MOB1A: variants seen among roughly 807,000 people sequenced by gnomAD.
MOB1A encodes MOB1 Mps One Binder homolog A.
MOB1A carries 10 observed loss-of-function variants against 25.1 expected under a neutral mutation model. The observed-to-expected ratio is 0.40, with a 90% confidence interval of 0.25 to 0.68. The LOEUF (loss-of-function observed/expected upper bound fraction) is 0.68, where lower values mean the gene tolerates loss of function less well. Among genes scored for constraint, MOB1A ranks in the 30% least tolerant of loss-of-function variants. The pLI, the probability that MOB1A is intolerant of heterozygous loss-of-function variation, is 0.40. For missense variants in MOB1A, 177 were observed against 256.3 expected (o/e 0.69, Z 2.11); for synonymous variants, 81 against 79.5 (o/e 1.02, Z -0.10).
At position 74,154,361 on chromosome 2, in the gene MOB1A, T is replaced by C. The variant is rs570925038; in HGVS notation, c.*2207A>G. ...TAAACACTAATATTTCAGTGCACTG[T>C]TGGTTAAGCCAGATTGGCTTGGGAA... On this transcript the variant is annotated 3_prime_UTR_variant, in exon 6 of 6. Transcript: ENST00000396049. 1.2e-4 allele frequency: 18 copies of C among 152,304 alleles called. No homozygotes were observed. Among genetic ancestry groups the C allele is most frequent in the African/African-American group, 4.1e-4 (17 of 41,566 alleles). The allele number at this position is 152,304 out of a possible 1,614,324, so 9.4% of individuals were successfully genotyped here.
In MOB1A at chr2:74,156,653, G is replaced by T; in HGVS notation, c.574-8C>A. Reference sequence around the variant, plus strand: ...ATCAATCAGATTAAACTCCTAAAAAGAGAAGAAAAATAACAATTAAAAATG... The same window carrying T: ...ATCAATCAGATTAAACTCCTAAAAATAGAAGAAAAATAACAATTAAAAATG... On this transcript the variant is annotated splice_region_variant and splice_polypyrimidine_tract_variant and intron_variant, in intron 5 of 5. Transcript: ENST00000396049. The T allele has an allele frequency of 1.3e-6, 2 of 1,540,332 alleles. No homozygotes were observed. Among genetic ancestry groups the T allele is most frequent in the South Asian group, 1.2e-5 (1 of 82,830 alleles).
At chr2:74,163,646 T>C (rs1693042511) in intron 4 of MOB1A, among the ~76,000 whole-genome samples, 1 of 151,638 alleles carries the variant, frequency 6.6e-6, no homozygotes, top group Non-Finnish European at 1.5e-5. Context: ...TCAAAAAAAA[T>C]TAAAAATAAA....
chr2:74,163,490 TAGCC>T (rs1276234387), intron 4 of MOB1A, among the ~76,000 whole-genome samples: 1 of 151,776 alleles, frequency 6.6e-6, no homozygotes. Context: ...TAAACAAAAT[TAGCC>T]AGGTGTAGTG....
intron 1 of MOB1A, among the ~76,000 whole-genome samples, chr2:74,174,040 A>G (rs1287347748): frequency 6.7e-6 from 1 of 149,274 alleles, no homozygotes; most frequent in African/African-American, 2.5e-5. Flanking sequence ...AGGCCGAGGC[A>G]GTGGATCACG....
At chr2:74,178,536 A>G in intron 1 of MOB1A, 125 bp downstream of exon 1, 1 of 644,858 alleles carries the variant, frequency 1.6e-6, no homozygotes, top group Non-Finnish European at 2.3e-6. Flanking sequence ...GAACAGAGGC[A>G]AAACAAACGC....
At chr2:74,177,250 T>C (rs747744832) in intron 1 of MOB1A, among the ~76,000 whole-genome samples, 72 of 151,368 alleles carry the variant, frequency 4.8e-4, no homozygotes, top group Admixed American at 9.2e-4. Flanking sequence ...GAGGCAGAGG[T>C]TGCAGTGAGC....
intron 4 of MOB1A, among the ~76,000 whole-genome samples, chr2:74,163,378 G>C (rs149396468): frequency 1.3e-5 from 2 of 152,152 alleles, no homozygotes; most frequent in African/African-American, 4.8e-5. Context: ...GCTGACACCT[G>C]TAATTCCAAC....
chr2:74,173,661 T>G (rs917414144), intron 1 of MOB1A, among the ~76,000 whole-genome samples: 26 of 151,316 alleles, frequency 1.7e-4, no homozygotes, highest in Non-Finnish European at 1.3e-4. Context: ...TAGAAAATGA[T>G]GGGGCCATGC....
rs192267316 is a variant in MOB1A, at chr2:74,175,140, G to T, written c.15-2388C>A. 3.9e-5 allele frequency among the ~76,000 whole-genome samples: 6 copies of T among 152,254 alleles called. No individual in the cohort carries two copies. In the South Asian group the frequency reaches 8.3e-4, roughly 21 times the overall value. On this transcript the variant is annotated intron_variant, in intron 1 of 5. Transcript: ENST00000396049. ...AGAGGCATTAGGTTCTCACAGGAGC[G>T]TGAACACTACTGTGAACTGTGCATG...
At chr2:74,174,349 C>G (rs1693391222) in intron 1 of MOB1A, among the ~76,000 whole-genome samples, 1 of 151,872 alleles carries the variant, frequency 6.6e-6, no homozygotes, top group Non-Finnish European at 1.5e-5. Context: ...TAATCCCAGC[C>G]ATTTGAGAGA....
intron 4 of MOB1A, 98 bp downstream of exon 4, chr2:74,165,120 G>T: frequency 1.0e-6 from 1 of 958,072 alleles, no homozygotes; most frequent in Non-Finnish European, 1.4e-6. Flanking sequence ...AGGAGTTTGA[G>T]ACCAACCTGG....
chr2:74,159,064 C>A (rs1461918928), intron 5 of MOB1A, 27 bp downstream of exon 5: 1 of 1,611,406 alleles, frequency 6.2e-7, no homozygotes, highest in East Asian at 2.2e-5. Flanking sequence ...AGTCACAGGA[C>A]ACAGAAATCA....
In MOB1A at chr2:74,172,767, G is replaced by A. The variant is rs764919507; in HGVS notation, c.15-15C>T. The A allele has an allele frequency of 2.5e-6, 4 of 1,607,330 alleles. No homozygotes were observed. The highest frequency in any genetic ancestry group is 2.6e-6 in the Non-Finnish European group (3 of 1,176,352). ...AGCGGCTGCTGCTGTAAGATTAAAA[G>A]TGCAAGTATATGAATTTTTAAGACT... On this transcript the variant is annotated splice_polypyrimidine_tract_variant and intron_variant, in intron 1 of 5. Coordinates refer to ENST00000396049, the MANE Select transcript of MOB1A (RefSeq NM_018221.5).
intron 1 of MOB1A, chr2:74,173,278 A>G: frequency 2.0e-6 from 1 of 495,350 alleles, no homozygotes; most frequent in Non-Finnish European, 4.0e-6. Context: ...TGCCCTCTGA[A>G]GAAGTCTGGT....
rs1693560100 is a variant in MOB1A at position 74,178,866 on chromosome 2, C to A, written c.-192G>T. 5.2e-6 allele frequency: 2 copies of A among 384,160 alleles called. No homozygotes were observed. The highest frequency in any genetic ancestry group is 9.2e-6 in the Non-Finnish European group (2 of 217,880). 23.8% of individuals were successfully genotyped at this position (384,160 alleles called of 1,614,324 possible). A position where few individuals can be genotyped will look rare whatever the true frequency, so the allele number is the denominator to read the frequency against. The stretch of plus-strand genomic sequence containing the variant: ...CCCGCCTTGCCCGCCTACCCCACCT[C>A]GCAGACCCGAAATGCGGAACCAACA... On this transcript the variant is annotated 5_prime_UTR_variant, in exon 1 of 6. Transcript: ENST00000396049.
intron 4 of MOB1A, among the ~76,000 whole-genome samples, chr2:74,161,685 T>C (rs1167108512): frequency 6.7e-6 from 1 of 150,362 alleles, no homozygotes; most frequent in Non-Finnish European, 1.5e-5. Context: ...CCAGGTGCAG[T>C]GGCTCATGCC....
chr2:74,154,192 C>CA lies in MOB1A; in HGVS notation c.*2375dup, dbSNP rs58662857. On this transcript the variant is annotated 3_prime_UTR_variant, in exon 6 of 6. Coordinates refer to ENST00000396049, the MANE Select transcript of MOB1A (RefSeq NM_018221.5). Reference sequence around the variant, plus strand: ...TGGGTGACAGAGTGAGACTCTGTCTCAAAAAAAAAAAAAAAAAAGATTGAT... The same window carrying CA: ...TGGGTGACAGAGTGAGACTCTGTCTCAAAAAAAAAAAAAAAAAAAGATTGAT... 1,681 of 76,162 alleles carry CA rather than the reference C, an allele frequency of 0.022. 49 individuals are homozygous for CA. Among genetic ancestry groups the CA allele is most frequent in the African/African-American group, 0.058 (1,352 of 23,380 alleles). The allele number at this position is 76,162 out of a possible 1,614,324, so 4.7% of individuals were successfully genotyped here. A position where few individuals can be genotyped will look rare whatever the true frequency, so the allele number is the denominator to read the frequency against.
chr2:74,153,538 G>A lies in MOB1A; in HGVS notation c.*3030C>T, dbSNP rs1473991472. ...GATGAAAGGAAAAACTTTGCTGGAA[G>A]CCCTGTAAAAATCACTTTATTCACA... On this transcript the variant is annotated 3_prime_UTR_variant, in exon 6 of 6. Coordinates refer to ENST00000396049, the MANE Select transcript of MOB1A (RefSeq NM_018221.5). The A allele has an allele frequency of 6.6e-6, 1 of 152,198 alleles. No homozygotes were observed. Among genetic ancestry groups the A allele is most frequent in the African/African-American group, 2.4e-5 (1 of 41,436 alleles). The allele number at this position is 152,198 out of a possible 1,614,324, so 9.4% of individuals were successfully genotyped here.
intron 1 of MOB1A, among the ~76,000 whole-genome samples, chr2:74,175,957 A>G (rs971015577): frequency 3.3e-5 from 5 of 152,186 alleles, no homozygotes; most frequent in Admixed American, 6.6e-5. Context: ...ATTAAGAAGT[A>G]AAAAAGAGCC....
Sources: gnomAD v4.1 joint callset for allele counts (sites outside exome capture counted in the v4.1 genomes callset) on GRCh38, gnomAD v4.1.1 for gene constraint, MANE v1.5 for transcripts, NCBI Gene and HGNC (gene_info 2026-07-23, HGNC 2026-07-21) for gene names.